STXBP5L: variants seen among roughly 807,000 people sequenced by gnomAD.
The protein encoded by STXBP5L is syntaxin binding protein 5L, also known as syntaxin-binding protein 5-like.
Under a neutral mutation model 144.5 loss-of-function variants are expected in STXBP5L, and 65 were observed. That is an observed-to-expected ratio of 0.45 (90% CI 0.37 to 0.55). STXBP5L has a LOEUF of 0.55. STXBP5L is among the 20% of genes least tolerant of loss of function. The pLI, the probability that STXBP5L is intolerant of heterozygous loss-of-function variation, is 0.00. For missense variants in STXBP5L, 1,298 were observed against 1,405.5 expected (o/e 0.92, Z 1.22); for synonymous variants, 505 against 469.6 (o/e 1.08, Z -0.97).
In STXBP5L at chr3:121,315,495, A is replaced by AG. The variant is rs988251029; in HGVS notation, c.2111-2974dup. ...CTCTGGGGACTGTTGTGGGGTGGGGAGGGGGGAGGGATAGCATTAGGAGAT... is the reference window on the plus strand; with the variant it reads ...CTCTGGGGACTGTTGTGGGGTGGGGAGGGGGGGAGGGATAGCATTAGGAGAT... On this transcript the variant is annotated intron_variant, in intron 19 of 26. Coordinates refer to ENST00000471454, the MANE Select transcript of STXBP5L (RefSeq NM_001308330.2). Among the ~76,000 whole-genome samples, 3 of 86,724 alleles carry AG rather than the reference A, an allele frequency of 3.5e-5. 1 individual carries two copies. Among genetic ancestry groups the AG allele is most frequent in the African/African-American group, 1.3e-4 (3 of 23,444 alleles). The allele number at this position is 86,724 out of a possible 152,430, so 56.9% of individuals were successfully genotyped here.
chr3:121,339,383 T>C (rs1277727398), intron 20 of STXBP5L, among the ~76,000 whole-genome samples: 4 of 152,006 alleles, frequency 2.6e-5, no homozygotes, highest in Non-Finnish European at 5.9e-5. Flanking sequence ...TATAAAACCC[T>C]CAACAAATTA....
intron 20 of STXBP5L, among the ~76,000 whole-genome samples, chr3:121,329,693 T>C (rs1012828545): frequency 2.6e-5 from 4 of 152,070 alleles, no homozygotes; most frequent in Non-Finnish European, 5.9e-5. Context: ...AAACCTCATC[T>C]CTACTAAAAA....
intron 5 of STXBP5L, among the ~76,000 whole-genome samples, chr3:121,091,548 C>CA (rs1464453643): frequency 1.3e-5 from 2 of 152,130 alleles, no homozygotes; most frequent in African/African-American, 4.8e-5. Context: ...AGCATTTTTT[C>CA]ATGTGTTTTT....
chr3:121,046,898 T>G (rs1270389139), intron 5 of STXBP5L, among the ~76,000 whole-genome samples: 1 of 152,148 alleles, frequency 6.6e-6, no homozygotes, highest in African/African-American at 2.4e-5. Context: ...TTTTGCTAGC[T>G]TTGGGTTTGT....
At chr3:121,041,502 T>C (rs1947151025) in intron 3 of STXBP5L, among the ~76,000 whole-genome samples, 198 bp from the exon 4 acceptor site, 1 of 152,148 alleles carries the variant, frequency 6.6e-6, no homozygotes, top group South Asian at 2.1e-4. Context: ...TTGTCATTCT[T>C]TTTTTCAAAT....
chr3:121,317,738 G>C (rs1421347094), intron 19 of STXBP5L, among the ~76,000 whole-genome samples: 1 of 152,068 alleles, frequency 6.6e-6, no homozygotes, highest in Non-Finnish European at 1.5e-5. Context: ...TTATTAATCT[G>C]TTGTGTCTAT....
chr3:121,059,401 T>C (rs1948668469), intron 5 of STXBP5L, among the ~76,000 whole-genome samples: 1 of 152,148 alleles, frequency 6.6e-6, no homozygotes, highest in African/African-American at 2.4e-5. Context: ...TGAAGTCAGG[T>C]AGCATGGTGC....
At chr3:121,147,516 A>T (rs1202433040) in intron 7 of STXBP5L, among the ~76,000 whole-genome samples, 1 of 152,194 alleles carries the variant, frequency 6.6e-6, no homozygotes, top group East Asian at 1.9e-4. Context: ...AAGTGAAGAA[A>T]AGCTGAAAAT....
chr3:121,191,508 G>A (rs1357132724), intron 9 of STXBP5L, among the ~76,000 whole-genome samples: 1 of 152,180 alleles, frequency 6.6e-6, no homozygotes, highest in Non-Finnish European at 1.5e-5. Flanking sequence ...AGCCTCGGCT[G>A]GGCATCAGAG....
intron 5 of STXBP5L, among the ~76,000 whole-genome samples, chr3:121,048,999 G>T (rs899970101): frequency 6.6e-6 from 1 of 152,174 alleles, no homozygotes; most frequent in Non-Finnish European, 1.5e-5. Context: ...GGGCTGCAGG[G>T]CAGCAAAAAT....
chr3:121,316,600 G>A (rs963849950), intron 19 of STXBP5L, among the ~76,000 whole-genome samples: 4 of 152,232 alleles, frequency 2.6e-5, no homozygotes, highest in Middle Eastern at 6.8e-3. Flanking sequence ...ATATTGGTAG[G>A]TGGGAAAACG....
chr3:121,345,740 T>A (rs2108595615), intron 20 of STXBP5L, among the ~76,000 whole-genome samples: 1 of 152,272 alleles, frequency 6.6e-6, no homozygotes, highest in Admixed American at 6.5e-5. Flanking sequence ...GGTATTGATT[T>A]GCATTTCTCT....
intron 5 of STXBP5L, among the ~76,000 whole-genome samples, chr3:121,113,517 G>T (rs1381420632): frequency 6.6e-6 from 1 of 152,018 alleles, no homozygotes; most frequent in African/African-American, 2.4e-5. Context: ...TTATGTAATA[G>T]CAGAGCTTTT....
At chr3:121,329,775 G>A (rs2108555446) in intron 20 of STXBP5L, among the ~76,000 whole-genome samples, 1 of 152,198 alleles carries the variant, frequency 6.6e-6, no homozygotes, top group South Asian at 2.1e-4. Context: ...CAGGAGAATT[G>A]CTTGAACCCA....
intron 19 of STXBP5L, among the ~76,000 whole-genome samples, chr3:121,289,301 C>T (rs900569319): frequency 5.9e-5 from 9 of 151,968 alleles, no homozygotes; most frequent in African/African-American, 1.9e-4. Flanking sequence ...TTAAAGAAGA[C>T]AGGAAGGGAC....
chr3:121,073,606 C>T (rs1163024332), intron 5 of STXBP5L, among the ~76,000 whole-genome samples: 3 of 152,112 alleles, frequency 2.0e-5, no homozygotes, highest in Admixed American at 1.3e-4. Flanking sequence ...GGTAAAAAGG[C>T]TTTGTCATGT....
chr3:121,320,014 T>A (rs1023435627), intron 20 of STXBP5L, among the ~76,000 whole-genome samples: 2 of 152,196 alleles, frequency 1.3e-5, no homozygotes, highest in South Asian at 4.1e-4. Flanking sequence ...CTGTTCTACC[T>A]TTTTGTATTT....
At position 121,109,990 on chromosome 3, in the gene STXBP5L, G is replaced by C. The variant is rs143269707; in HGVS notation, c.471-4935G>C. 9.0e-3 allele frequency among the ~76,000 whole-genome samples: 1,376 copies of C among 152,140 alleles called. 9 individuals carry two copies. Among genetic ancestry groups the C allele is most frequent in the Middle Eastern group, 0.024 (7 of 294 alleles). ...CCCTTCTTTGTCTTTTTTGATCTTT[G>C]TTGGTTTAAAGTCTGTCTTGTCAGA... On this transcript the variant is annotated intron_variant, in intron 5 of 26. Coordinates refer to ENST00000471454, the MANE Select transcript of STXBP5L (RefSeq NM_001308330.2).
At chr3:120,936,963 C>A (rs897909212) in intron 2 of STXBP5L, among the ~76,000 whole-genome samples, 1 of 152,022 alleles carries the variant, frequency 6.6e-6, no homozygotes, top group Non-Finnish European at 1.5e-5. Flanking sequence ...TTTTAGTGAG[C>A]CTGTGTCCTT....
Sources: allele counts gnomAD v4.1 joint callset (sites outside exome capture counted in the v4.1 genomes callset), GRCh38; gene constraint gnomAD v4.1.1; transcripts MANE v1.5; gene names NCBI Gene and HGNC (gene_info 2026-07-23, HGNC 2026-07-21).